Variants in MOB3B observed in about 807,000 individuals in gnomAD.
MOB3B encodes MOB kinase activator 3B, also known as MOB kinase activator-like 2B.
In MOB3B, 7 loss-of-function variants were observed where a neutral mutation model predicts 18.7. The observed-to-expected ratio is 0.37, with a 90% confidence interval of 0.21 to 0.70. The LOEUF is 0.70. Ranked by LOEUF, MOB3B falls within the 30% of genes least tolerant of loss-of-function variation. The probability of loss-of-function intolerance (pLI) is 0.52; values close to 1 mark genes in which losing one functional copy is unlikely to be tolerated. For missense variants in MOB3B, 253 were observed against 281.3 expected, an observed-to-expected ratio of 0.90 and a Z score of 0.72; for synonymous variants, 111 against 99.9, an observed-to-expected ratio of 1.11 and a Z score of -0.66.
At chr9:27,525,056 A>G in intron 1 of MOB3B, 2 of 1,092,884 alleles carry the variant, frequency 1.8e-6, no homozygotes, top group East Asian at 5.1e-5. Flanking sequence ...GCTGTCCTGT[A>G]AGCCTGTCCT....
intron 2 of MOB3B, among the ~76,000 whole-genome samples, chr9:27,403,327 T>C (rs929319616): frequency 2.6e-5 from 4 of 152,058 alleles, no homozygotes; most frequent in African/African-American, 7.2e-5. Context: ...AGAAACAAAG[T>C]ATGAAAGGTA....
Position 27,375,208 on chromosome 9 carries a change from A to C in MOB3B, c.419-15972T>G, listed in dbSNP as rs377153286. Among the ~76,000 whole-genome samples the C allele has an allele frequency of 3.0e-4, 45 of 152,340 alleles. No homozygotes were observed. The South Asian group carries it at 3.7e-3, about 13-fold the overall frequency. On this transcript the variant is annotated intron_variant, in intron 2 of 3. Transcript: ENST00000262244. ...CATTACCCTAGTAACACTGTCTTTG[A>C]GTACCTCATACTTGCAGCTTCTTTG...
At chr9:27,478,921 T>C (rs367713101) in intron 1 of MOB3B, among the ~76,000 whole-genome samples, 1 of 147,310 alleles carries the variant, frequency 6.8e-6, no homozygotes, top group South Asian at 2.2e-4. Flanking sequence ...AAAAGATAAA[T>C]TACAAACTTA....
intron 3 of MOB3B, among the ~76,000 whole-genome samples, chr9:27,336,828 G>A (rs976817583): frequency 1.3e-5 from 2 of 152,092 alleles, no homozygotes; most frequent in South Asian, 4.1e-4. Context: ...GAAAGTAGGA[G>A]AGATTCATCT....
intron 3 of MOB3B, among the ~76,000 whole-genome samples, chr9:27,332,228 A>G (rs1330574750): frequency 1.3e-5 from 2 of 152,160 alleles, no homozygotes; most frequent in Non-Finnish European, 2.9e-5. Flanking sequence ...CCTGAGCTCA[A>G]GCATTACCCA....
chr9:27,461,624 A>G (rs1436613565), intron 1 of MOB3B, among the ~76,000 whole-genome samples: 3 of 152,248 alleles, frequency 2.0e-5, no homozygotes, highest in Admixed American at 2.0e-4. Context: ...CTGTCACAGG[A>G]CTATTCTGCT....
At position 27,326,213 on chromosome 9, in the gene MOB3B, G is replaced by A. The variant is rs1236344179; in HGVS notation, c.*4374C>T. On this transcript the variant is annotated 3_prime_UTR_variant, in exon 4 of 4. Transcript: ENST00000262244. ...CTGCTGGTCACAGCCATAACAGAGA[G>A]TGATGTGGAGAGCTTTGGGAAGGTT... 1.1e-5 allele frequency: 4 copies of A among 365,084 alleles called. No individual in the cohort carries two copies. The highest frequency in any genetic ancestry group is 2.1e-5 in the African/African-American group (1 of 48,004). 22.6% of individuals were successfully genotyped at this position (365,084 alleles called of 1,614,324 possible).
intron 2 of MOB3B, among the ~76,000 whole-genome samples, chr9:27,395,737 G>A (rs1426684744): frequency 1.3e-5 from 2 of 152,194 alleles, no homozygotes; most frequent in Admixed American, 6.5e-5. Flanking sequence ...ACACAGAACG[G>A]TAGCAAGAGC....
At chr9:27,376,162 T>G (rs1282469625) in intron 2 of MOB3B, among the ~76,000 whole-genome samples, 3 of 152,194 alleles carry the variant, frequency 2.0e-5, no homozygotes, top group Non-Finnish European at 4.4e-5. Context: ...TAGATATTCT[T>G]TGAACAATGA....
intron 3 of MOB3B, among the ~76,000 whole-genome samples, chr9:27,340,252 A>G (rs1332677809): frequency 6.6e-6 from 1 of 152,242 alleles, no homozygotes; most frequent in Non-Finnish European, 1.5e-5. Context: ...ACATATACAT[A>G]TGTATGGCTA....
At chr9:27,493,755 G>A (rs535185177) in intron 1 of MOB3B, among the ~76,000 whole-genome samples, 32 of 152,126 alleles carry the variant, frequency 2.1e-4, no homozygotes, top group Middle Eastern at 6.8e-3. Context: ...GATGTATATC[G>A]CCTCAGGACC....
intron 1 of MOB3B, among the ~76,000 whole-genome samples, chr9:27,488,495 C>T (rs1819764847): frequency 6.6e-6 from 1 of 152,308 alleles, no homozygotes; most frequent in South Asian, 2.1e-4. Flanking sequence ...GCAGCCTCTG[C>T]CTCCCAGGTT....
intron 1 of MOB3B, among the ~76,000 whole-genome samples, chr9:27,475,609 T>C (rs1819542061): frequency 6.6e-6 from 1 of 152,192 alleles, no homozygotes; most frequent in East Asian, 1.9e-4. Context: ...AAGAAGTTCA[T>C]GAAAATCAAA....
intron 2 of MOB3B, among the ~76,000 whole-genome samples, chr9:27,366,912 C>A (rs1271418703): frequency 2.0e-5 from 3 of 152,228 alleles, no homozygotes; most frequent in African/African-American, 7.2e-5. Flanking sequence ...GCAGACCCAG[C>A]TTCCCTGGCA....
intron 3 of MOB3B, among the ~76,000 whole-genome samples, chr9:27,344,037 C>G (rs1248421129): frequency 2.6e-5 from 4 of 151,560 alleles, no homozygotes; most frequent in Non-Finnish European, 5.9e-5. Context: ...CTGAACTGTA[C>G]ACTTAAAAAT....
Position 27,359,145 on chromosome 9 carries a change from G to A in MOB3B, c.510C>T (p.Phe170=), listed in dbSNP as rs748349617. 2.4e-5 allele frequency: 39 copies of A among 1,614,028 alleles called. No homozygotes were observed. Among genetic ancestry groups the A allele is most frequent in the Admixed American group, 3.3e-5 (2 of 59,996 alleles). The change falls in exon 3 of 4, where the codon TTC becomes TTT. Residue 170 remains phenylalanine (F), a synonymous_variant. Coordinates refer to ENST00000262244, the MANE Select transcript of MOB3B (RefSeq NM_024761.5). The part of the protein sequence containing the change: ...RVFVHVYIHH[F]DRVIVMGAEA... ...CTGCACCCATCACAATGACCCGGTCGAAGTGGTGGATATAGACGTGGACAA... is the reference window on the plus strand; with the variant it reads ...CTGCACCCATCACAATGACCCGGTCAAAGTGGTGGATATAGACGTGGACAA...
intron 2 of MOB3B, among the ~76,000 whole-genome samples, chr9:27,381,164 T>C (rs573074894): frequency 6.6e-6 from 1 of 152,084 alleles, no homozygotes; most frequent in Non-Finnish European, 1.5e-5. Context: ...GTTTTCCTCT[T>C]ATCTATCCAT....
chr9:27,499,619 T>A (rs2131493662), intron 1 of MOB3B, among the ~76,000 whole-genome samples: 1 of 152,328 alleles, frequency 6.6e-6, no homozygotes, highest in South Asian at 2.1e-4. Flanking sequence ...TACTTTAACA[T>A]TTACTAATTC....
chr9:27,346,977 C>G (rs957568052), intron 3 of MOB3B, among the ~76,000 whole-genome samples: 2 of 152,074 alleles, frequency 1.3e-5, no homozygotes, highest in African/African-American at 4.8e-5. Context: ...GCCTGGGTAA[C>G]AGAGCAAGAC....
Sources: gnomAD v4.1 joint callset for allele counts (sites outside exome capture counted in the v4.1 genomes callset) on GRCh38, gnomAD v4.1.1 for gene constraint, MANE v1.5 for transcripts, NCBI Gene and HGNC (gene_info 2026-07-23, HGNC 2026-07-21) for gene names.